Variants in KCNN2 observed in about 807,000 individuals in gnomAD.
KCNN2 encodes the protein potassium calcium-activated channel subfamily N member 2, also known as small conductance calcium-activated potassium channel protein 2.
KCNN2 carries 24 observed loss-of-function variants against 55.5 expected under a neutral mutation model. The observed-to-expected ratio is 0.43, with a 90% confidence interval of 0.31 to 0.61. The LOEUF (loss-of-function observed/expected upper bound fraction) is 0.61. Ranked by LOEUF, KCNN2 falls within the 20% of genes least tolerant of loss-of-function variation. The pLI, the probability that KCNN2 is intolerant of heterozygous loss-of-function variation, is 0.08. For synonymous variants in KCNN2, 431 were observed against 336.1 expected (o/e 1.28, Z -3.09); for missense variants, 754 against 853.6 (o/e 0.88, Z 1.45).
intron 1 of KCNN2, among the ~76,000 whole-genome samples, chr5:114,159,558 G>A (rs1345792423): frequency 6.6e-6 from 1 of 152,082 alleles, no homozygotes; most frequent in Admixed American, 6.6e-5. Flanking sequence ...CTATTGATTG[G>A]GATAGTTTCT....
At chr5:114,145,546 A>G (rs2974479) in intron 1 of KCNN2, among the ~76,000 whole-genome samples, 37,989 of 152,060 alleles carry the variant, frequency 0.25, 4,976 homozygotes, top group Non-Finnish European at 0.29. Context: ...TTGAATATCT[A>G]ATGAGAGATA....
intron 1 of KCNN2, among the ~76,000 whole-genome samples, chr5:114,197,750 G>A (rs569913637): frequency 8.5e-5 from 13 of 152,206 alleles, no homozygotes; most frequent in Middle Eastern, 3.4e-3. Context: ...AGTTTCAAAC[G>A]GGCTGCTGAA....
At chr5:114,381,022 C>G (rs1758108525) in intron 2 of KCNN2, among the ~76,000 whole-genome samples, 1 of 152,138 alleles carries the variant, frequency 6.6e-6, no homozygotes, top group Admixed American at 6.6e-5. Context: ...ACTGTGTTTT[C>G]ATCTGTGGTG....
At chr5:114,175,209 T>C (rs543856570) in intron 1 of KCNN2, among the ~76,000 whole-genome samples, 1 of 152,306 alleles carries the variant, frequency 6.6e-6, no homozygotes, top group East Asian at 1.9e-4. Flanking sequence ...TATGAGGAAT[T>C]CTTAGATTTG....
chr5:114,315,766 A>C (rs1229873634), intron 2 of KCNN2, among the ~76,000 whole-genome samples: 3 of 152,124 alleles, frequency 2.0e-5, no homozygotes, highest in Non-Finnish European at 4.4e-5. Flanking sequence ...TACTTTTTAA[A>C]GGTTATATCA....
chr5:114,249,063 A>G (rs927337056), intron 2 of KCNN2, among the ~76,000 whole-genome samples: 1 of 152,326 alleles, frequency 6.6e-6, no homozygotes, highest in African/African-American at 2.4e-5. Context: ...AATTTTCAGG[A>G]GTAAATTTCT....
At chr5:114,421,071 G>A (rs1331827598) in intron 3 of KCNN2, among the ~76,000 whole-genome samples, 2 of 152,158 alleles carry the variant, frequency 1.3e-5, no homozygotes, top group Admixed American at 6.5e-5. Flanking sequence ...TTCCAATACA[G>A]CCTAATTTGT....
intron 1 of KCNN2, among the ~76,000 whole-genome samples, chr5:114,204,435 G>A (rs76201362): frequency 0.026 from 3,899 of 152,226 alleles, 87 homozygotes; most frequent in South Asian, 0.065. Flanking sequence ...ACCCGGAAAA[G>A]CCAAGTGACT....
chr5:114,232,925 G>GTTTTTTTTT (rs10658266), intron 2 of KCNN2, among the ~76,000 whole-genome samples: 1 of 76,274 alleles, frequency 1.3e-5, no homozygotes, highest in African/African-American at 4.6e-5. Context: ...ATTGTTTCTT[G>GTTTTTTTTT]TTTTTTTTTT....
chr5:114,420,740 T>TA (rs1561374282), intron 3 of KCNN2, among the ~76,000 whole-genome samples: 1 of 152,234 alleles, frequency 6.6e-6, no homozygotes, highest in African/African-American at 2.4e-5. Context: ...ACATGTTTTA[T>TA]AGGCAATCTA....
At chr5:114,169,617 G>A (rs1752989682) in intron 1 of KCNN2, among the ~76,000 whole-genome samples, 1 of 152,066 alleles carries the variant, frequency 6.6e-6, no homozygotes, top group Admixed American at 6.6e-5. Flanking sequence ...ATCTTTTAAT[G>A]TACTGTAACC....
At chr5:114,284,385 G>A (rs3101066) in intron 2 of KCNN2, among the ~76,000 whole-genome samples, 136,572 of 152,252 alleles carry the variant, frequency 0.9, 61,652 homozygotes, top group Middle Eastern at 0.94. Context: ...AGTAGGAGCT[G>A]TTTCTTTGGT....
chr5:114,315,421 CTGTGTGTG>C (rs34000645), intron 2 of KCNN2, among the ~76,000 whole-genome samples: 16,395 of 142,736 alleles, frequency 0.11, 1,021 homozygotes, highest in Middle Eastern at 0.21. Context: ...AAGGCAGAAA[CTGTGTGTG>C]TGTGTGTGTG....
intron 4 of KCNN2, among the ~76,000 whole-genome samples, chr5:114,471,920 T>C (rs1761764433): frequency 6.6e-6 from 1 of 152,196 alleles, no homozygotes; most frequent in South Asian, 2.1e-4. Flanking sequence ...AGCCCAAAGA[T>C]GGATTCTTTG....
At chr5:114,462,248 T>C (rs1363538766) in intron 3 of KCNN2, among the ~76,000 whole-genome samples, 1 of 152,216 alleles carries the variant, frequency 6.6e-6, no homozygotes, top group Non-Finnish European at 1.5e-5. Context: ...CGAAGTGTGA[T>C]AGGATACCTG....
chr5:114,166,315 G>A (rs1752910298), intron 1 of KCNN2, among the ~76,000 whole-genome samples: 1 of 152,100 alleles, frequency 6.6e-6, no homozygotes, highest in Admixed American at 6.6e-5. Context: ...AGAACAGCTG[G>A]ACAAAGTTAC....
intron 3 of KCNN2, among the ~76,000 whole-genome samples, chr5:114,428,980 T>C (rs1330636748): frequency 6.6e-6 from 1 of 152,182 alleles, no homozygotes; most frequent in East Asian, 1.9e-4. Context: ...AGAGGGCATC[T>C]TGGTGGCTTC....
chr5:114,335,278 C>T (rs1024867106), intron 2 of KCNN2, among the ~76,000 whole-genome samples: 7 of 152,092 alleles, frequency 4.6e-5, no homozygotes, highest in African/African-American at 1.7e-4. Flanking sequence ...TGGTTTCTCC[C>T]AGATTCCAGT....
chr5:114,381,829 C>T (rs1310470520), intron 2 of KCNN2, among the ~76,000 whole-genome samples: 1 of 152,194 alleles, frequency 6.6e-6, no homozygotes, highest in East Asian at 1.9e-4. Context: ...TTGTAAGCAA[C>T]ATAAGCTATG....
Sources: allele counts gnomAD v4.1 joint callset (sites outside exome capture counted in the v4.1 genomes callset), GRCh38; gene constraint gnomAD v4.1.1; transcripts MANE v1.5; gene names NCBI Gene and HGNC (gene_info 2026-07-23, HGNC 2026-07-21).